Variants in EDNRB observed in about 807,000 individuals in gnomAD.
EDNRB encodes Hirschsprung disease 2.
A neutral mutation model predicts 46.4 loss-of-function variants in EDNRB; 18 were observed. The ratio of observed to expected loss-of-function variants is 0.39; its 90% CI spans 0.27 to 0.57. The LOEUF is 0.57. EDNRB is among the 20% of genes least tolerant of loss of function. EDNRB has a pLI of 0.61. For missense variants in EDNRB, 434 were observed against 537.5 expected, an observed-to-expected ratio of 0.81 and a Z score of 1.90; for synonymous variants, 213 against 204.9, an observed-to-expected ratio of 1.04 and a Z score of -0.34.
At chr13:77,908,884 T>C (rs1879426454) in intron 1 of EDNRB, among the ~76,000 whole-genome samples, 1 of 152,030 alleles carries the variant, frequency 6.6e-6, no homozygotes, top group Non-Finnish European at 1.5e-5. Flanking sequence ...GTTGAATATA[T>C]GTTACCTAAC....
chr13:77,970,242 T>C (rs558709778), intron 1 of EDNRB, among the ~76,000 whole-genome samples: 4 of 152,190 alleles, frequency 2.6e-5, no homozygotes, highest in African/African-American at 7.2e-5. Flanking sequence ...ATAAGAAATG[T>C]CAAATGTAAG....
At chr13:77,951,048 A>G (rs1422392295) in intron 1 of EDNRB, among the ~76,000 whole-genome samples, 1 of 152,210 alleles carries the variant, frequency 6.6e-6, no homozygotes, top group African/African-American at 2.4e-5. Context: ...TCTCTTATTC[A>G]CATTACCCAA....
intron 1 of EDNRB, among the ~76,000 whole-genome samples, chr13:77,971,844 A>G (rs1881744216): frequency 6.6e-6 from 1 of 152,178 alleles, no homozygotes; most frequent in Non-Finnish European, 1.5e-5. Context: ...TTGTTGATGA[A>G]ATGCCCCAGT....
At chr13:77,931,458 G>T (rs1049080232) in intron 1 of EDNRB, among the ~76,000 whole-genome samples, 1 of 152,072 alleles carries the variant, frequency 6.6e-6, no homozygotes, top group Non-Finnish European at 1.5e-5. Flanking sequence ...ATCGGTGGGG[G>T]AATTACCTGA....
intron 1 of EDNRB, among the ~76,000 whole-genome samples, chr13:77,956,439 A>G (rs74240503): frequency 0.036 from 5,468 of 152,238 alleles, 168 homozygotes; most frequent in East Asian, 0.087. Flanking sequence ...CTTTGTACAT[A>G]CAAGATCATG....
chr13:77,919,426 C>A (rs754914380), upstream of EDNRB: 1 of 1,612,492 alleles, frequency 6.2e-7, no homozygotes, highest in South Asian at 1.1e-5. Context: ...AGATGCAGAG[C>A]GACGAATGGA....
intron 1 of EDNRB, among the ~76,000 whole-genome samples, chr13:77,915,635 A>T (rs1879773346): frequency 6.6e-6 from 1 of 152,240 alleles, no homozygotes; most frequent in African/African-American, 2.4e-5. Context: ...GGGTTGTTAT[A>T]GTGACTTAAT....
intron 1 of EDNRB, among the ~76,000 whole-genome samples, chr13:77,933,676 G>A (rs1027689791): frequency 6.6e-6 from 1 of 152,136 alleles, no homozygotes; most frequent in South Asian, 2.1e-4. Flanking sequence ...ATGAAATAGT[G>A]GTAAAGTGTG....
intron 1 of EDNRB, among the ~76,000 whole-genome samples, chr13:77,924,842 C>T (rs1338492589): frequency 6.6e-6 from 1 of 152,142 alleles, no homozygotes; most frequent in Non-Finnish European, 1.5e-5. Context: ...GTTTTAAAAA[C>T]GGGAGTTGTC....
chr13:77,901,734 TTC>T (rs1878997645), intron 3 of EDNRB, among the ~76,000 whole-genome samples: 2 of 152,130 alleles, frequency 1.3e-5, no homozygotes, highest in Admixed American at 1.3e-4. Flanking sequence ...ATTCTTTTTC[TTC>T]TCTGTTATCT....
At chr13:77,905,096 T>G (rs1879206778) in intron 1 of EDNRB, among the ~76,000 whole-genome samples, 1 of 151,912 alleles carries the variant, frequency 6.6e-6, no homozygotes, top group South Asian at 2.1e-4. Flanking sequence ...ATGCTTAATG[T>G]AGGATCCTGA....
At position 77,918,741 on chromosome 13, in the gene EDNRB, T is replaced by A; in HGVS notation, c.-168A>T. 1 of 1,327,424 alleles carries A rather than the reference T, an allele frequency of 7.5e-7. No individual in the cohort carries two copies. The highest frequency in any genetic ancestry group is 2.9e-5 in the East Asian group (1 of 34,958). 82.2% of individuals were successfully genotyped at this position (1,327,424 alleles called of 1,614,324 possible). A position where few individuals can be genotyped will look rare whatever the true frequency, so the allele number is the denominator to read the frequency against. On this transcript the variant is annotated 5_prime_UTR_variant, in exon 1 of 7. The change abolishes the stop of an existing upstream ORF in the 5' untranslated region. Transcript: ENST00000646607. This position sits in a 1 kb window ranked among gnomAD's most constrained non-coding sequence, Gnocchi z 4.5. Reference sequence around the variant, plus strand: ...GCCAGTATCCACGCTCAAAAGTAACTCAAGTTTGCGCGCCAGTGGGAAACT... The same window carrying A: ...GCCAGTATCCACGCTCAAAAGTAACACAAGTTTGCGCGCCAGTGGGAAACT...
intron 1 of EDNRB, among the ~76,000 whole-genome samples, chr13:77,955,327 C>A (rs776998131): frequency 1.3e-5 from 2 of 151,992 alleles, no homozygotes; most frequent in African/African-American, 4.8e-5. Flanking sequence ...TGTTCATTTT[C>A]TTGCTATTGA....
chr13:77,896,294 C>T lies in EDNRB; in HGVS notation c.*1906G>A, dbSNP rs886050320. 15 of 661,944 alleles carry T rather than the reference C, an allele frequency of 2.3e-5. No homozygotes were observed. Among genetic ancestry groups the T allele is most frequent in the Non-Finnish European group, 1.3e-5 (6 of 455,500 alleles). The allele number at this position is 661,944 out of a possible 1,614,324, so 41.0% of individuals were successfully genotyped here. On this transcript the variant is annotated 3_prime_UTR_variant, in exon 7 of 7. Coordinates refer to ENST00000646607, the MANE Select transcript of EDNRB (RefSeq NM_001122659.3). ...AATAGAAATTAAATATATTAATAAA[C>T]TGTGAAAATATTAGTGATTCAAAAT... is the stretch of plus-strand genomic sequence containing the variant.
intron 1 of EDNRB, among the ~76,000 whole-genome samples, chr13:77,925,957 C>A (rs570717828): frequency 6.6e-6 from 1 of 152,200 alleles, no homozygotes; most frequent in African/African-American, 2.4e-5. Context: ...CTCAGCATGA[C>A]CCAGATGCGA....
intron 1 of EDNRB, among the ~76,000 whole-genome samples, chr13:77,953,394 C>G (rs1390958534): frequency 6.6e-6 from 1 of 150,804 alleles, no homozygotes; most frequent in Non-Finnish European, 1.5e-5. Context: ...CTTTTATTTT[C>G]CATTTATTTG....
chr13:77,949,279 A>T (rs565246945), intron 1 of EDNRB, among the ~76,000 whole-genome samples: 1 of 152,286 alleles, frequency 6.6e-6, no homozygotes, highest in East Asian at 1.9e-4. Context: ...TGCTGATGCT[A>T]CACTCTTTCT....
intron 4 of EDNRB, among the ~76,000 whole-genome samples, 189 bp downstream of exon 4, chr13:77,900,869 A>C (rs1239423605): frequency 6.6e-6 from 1 of 151,968 alleles, no homozygotes; most frequent in East Asian, 1.9e-4. Flanking sequence ...AGATCCTTTT[A>C]GATTATATAG....
chr13:77,969,235 A>C (rs1881660615), intron 1 of EDNRB, among the ~76,000 whole-genome samples: 1 of 152,196 alleles, frequency 6.6e-6, no homozygotes, highest in Non-Finnish European at 1.5e-5. Flanking sequence ...AATACAAAAT[A>C]AATTGTTCAT....
Sources: allele counts gnomAD v4.1 joint callset (sites outside exome capture counted in the v4.1 genomes callset), GRCh38; gene constraint gnomAD v4.1.1; non-coding constraint Gnocchi (gnomAD v3.1); transcripts MANE v1.5; gene names NCBI Gene and HGNC (gene_info 2026-07-23, HGNC 2026-07-21).